Variants in WDR41 observed in about 807,000 individuals in gnomAD.
WDR41 encodes WD repeat domain 41.
Under a neutral mutation model 69.3 loss-of-function variants are expected in WDR41, and 63 were observed. That is an observed-to-expected ratio of 0.91 (90% CI 0.74 to 1.12). The LOEUF (loss-of-function observed/expected upper bound fraction) is 1.12. WDR41 is among the 50% of genes most tolerant of loss of function. The probability of loss-of-function intolerance (pLI) is 0.00; values close to 1 mark genes in which losing one functional copy is unlikely to be tolerated. For missense variants in WDR41, 543 were observed against 534.5 expected, an observed-to-expected ratio of 1.02 and a Z score of -0.16; for synonymous variants, 185 against 192.1, an observed-to-expected ratio of 0.96 and a Z score of 0.31.
At chr5:77,526,703 C>T (rs975269387) in intron 1 of WDR41, among the ~76,000 whole-genome samples, 1 of 152,044 alleles carries the variant, frequency 6.6e-6, no homozygotes, top group African/African-American at 2.4e-5. Context: ...ATTACTTTCT[C>T]CAGTCTATTA....
chr5:77,476,133 A>C (rs1467972266), intron 2 of WDR41, among the ~76,000 whole-genome samples: 2 of 152,140 alleles, frequency 1.3e-5, no homozygotes, highest in Non-Finnish European at 2.9e-5. Context: ...AAAAAGAATA[A>C]AAAGAAATGA....
chr5:77,604,341 G>A (rs1201939837), intron 1 of WDR41, among the ~76,000 whole-genome samples: 3 of 152,110 alleles, frequency 2.0e-5, no homozygotes, highest in African/African-American at 4.8e-5. Context: ...TTTAGCTACT[G>A]TAAATGGAAT....
Position 77,576,899 on chromosome 5 carries a change from G to A in WDR41, c.42+43580C>T, listed in dbSNP as rs75908749. ...AAAGTTATTTTTAAGATTAATTTTT[G>A]TGGTTAGAAGCAACAACAAATGAAC... On this transcript the variant is annotated intron_variant, in intron 1 of 5. Transcript: ENST00000509971. Among the ~76,000 whole-genome samples the A allele has an allele frequency of 7.7e-3, 1,172 of 152,210 alleles. 8 individuals carry two copies. Among genetic ancestry groups the A allele is most frequent in the Middle Eastern group, 0.024 (7 of 294 alleles).
At position 77,613,698 on chromosome 5, in the gene WDR41, G is replaced by A. The variant is rs1438838138; in HGVS notation, c.42+6781C>T. 2.2e-4 allele frequency among the ~76,000 whole-genome samples: 34 copies of A among 152,314 alleles called. 1 individual carries two copies. Reference sequence around the variant, plus strand: ...ACCTAAAACCATAAAAACCCTAGAAGAAAACCTAGGCATTACCATTCAGGA... The same window carrying A: ...ACCTAAAACCATAAAAACCCTAGAAAAAAACCTAGGCATTACCATTCAGGA... On this transcript the variant is annotated intron_variant, in intron 1 of 5. Transcript: ENST00000509971.
At chr5:77,526,438 T>C (rs912060752) in intron 1 of WDR41, among the ~76,000 whole-genome samples, 6 of 152,142 alleles carry the variant, frequency 3.9e-5, no homozygotes, top group African/African-American at 1.2e-4. Context: ...ATTTTAGTCA[T>C]TTTAAATATG....
chr5:77,568,145 G>C (rs1179426990), intron 1 of WDR41, among the ~76,000 whole-genome samples: 1 of 152,106 alleles, frequency 6.6e-6, no homozygotes, highest in East Asian at 1.9e-4. Flanking sequence ...TTAAGATGTA[G>C]CCTTGAGGGC....
chr5:77,436,941 A>G (rs76697168), intron 11 of WDR41, among the ~76,000 whole-genome samples: 120 of 152,356 alleles, frequency 7.9e-4, no homozygotes, highest in African/African-American at 2.7e-3. Context: ...ACACAAGGAA[A>G]AGTATGTTTT....
intron 1 of WDR41, among the ~76,000 whole-genome samples, chr5:77,490,695 C>T (rs909202066): frequency 6.6e-6 from 1 of 152,134 alleles, no homozygotes; most frequent in African/African-American, 2.4e-5. Context: ...AACTGCTTCT[C>T]CTCCAATGAA....
At chr5:77,441,119 G>A (rs1799146120) in intron 8 of WDR41, 122 bp from the exon 9 acceptor site, 4 of 982,504 alleles carry the variant, frequency 4.1e-6, no homozygotes, top group East Asian at 5.5e-5. Context: ...GAGGTACCTA[G>A]GCAAGCCAAC....
At chr5:77,557,808 A>G (rs1743437483) in intron 1 of WDR41, among the ~76,000 whole-genome samples, 1 of 152,238 alleles carries the variant, frequency 6.6e-6, no homozygotes, top group African/African-American at 2.4e-5. Flanking sequence ...GTTTACCAAC[A>G]GTAGAATGAA....
chr5:77,490,003 T>C (rs1377036424), intron 1 of WDR41, among the ~76,000 whole-genome samples: 1 of 152,202 alleles, frequency 6.6e-6, no homozygotes, highest in East Asian at 1.9e-4. Context: ...CCTCATCCAT[T>C]ACAAGCACTC....
intron 2 of WDR41, among the ~76,000 whole-genome samples, chr5:77,479,873 A>G (rs1218091134): frequency 2.0e-5 from 3 of 151,720 alleles, no homozygotes; most frequent in Non-Finnish European, 4.4e-5. Context: ...AACTACCATC[A>G]GAGTGAACAG....
intron 8 of WDR41, among the ~76,000 whole-genome samples, chr5:77,443,225 T>G (rs1233935093): frequency 6.6e-6 from 1 of 152,162 alleles, no homozygotes; most frequent in African/African-American, 2.4e-5. Context: ...AATATTATCT[T>G]TGCGCCCCTG....
chr5:77,613,796 G>A (rs929884653), intron 1 of WDR41, among the ~76,000 whole-genome samples: 446 of 152,240 alleles, frequency 2.9e-3, no homozygotes, highest in African/African-American at 0.01. Flanking sequence ...TTGACAAATG[G>A]GATCTAATTA....
At chr5:77,466,911 C>T (rs1248132890) in intron 2 of WDR41, among the ~76,000 whole-genome samples, 3 of 150,270 alleles carry the variant, frequency 2.0e-5, no homozygotes, top group Non-Finnish European at 4.4e-5. Context: ...CATATTAGTA[C>T]CTGTCATAAA....
intron 2 of WDR41, among the ~76,000 whole-genome samples, chr5:77,472,671 T>C (rs335646): frequency 0.61 from 91,636 of 150,944 alleles, 29,479 homozygotes; most frequent in African/African-American, 0.83. Context: ...CCATTCACAA[T>C]TGCTTCAAAG....
intron 1 of WDR41, among the ~76,000 whole-genome samples, chr5:77,605,908 A>G (rs73765372): frequency 0.016 from 2,435 of 152,306 alleles, 73 homozygotes; most frequent in African/African-American, 0.055. Flanking sequence ...AATAAAATAC[A>G]AATGTGATTA....
chr5:77,533,732 T>G (rs1259531789), intron 1 of WDR41, among the ~76,000 whole-genome samples: 2 of 152,164 alleles, frequency 1.3e-5, no homozygotes, highest in Non-Finnish European at 2.9e-5. Flanking sequence ...AGTAAAATAA[T>G]ATACTAATAT....
At chr5:77,508,121 A>AT (rs1173838323) in intron 1 of WDR41, among the ~76,000 whole-genome samples, 2 of 151,876 alleles carry the variant, frequency 1.3e-5, no homozygotes, top group Non-Finnish European at 2.9e-5. Context: ...ATTTTTATTT[A>AT]TTTATTTTTT....
Sources: allele counts gnomAD v4.1 joint callset (sites outside exome capture counted in the v4.1 genomes callset), GRCh38; gene constraint gnomAD v4.1.1; transcripts MANE v1.5; gene names NCBI Gene and HGNC (gene_info 2026-07-23, HGNC 2026-07-21).